TSC22D2: variants seen among roughly 807,000 people sequenced by gnomAD.
TSC22D2 encodes TSC22 domain family member 2.
TSC22D2 carries 5 observed loss-of-function variants against 50.1 expected under a neutral mutation model. That is an observed-to-expected ratio of 0.10 (90% CI 0.05 to 0.21). The LOEUF (loss-of-function observed/expected upper bound fraction) is 0.21, where lower values mean the gene tolerates loss of function less well. TSC22D2 is among the 10% of genes least tolerant of loss of function. The pLI is 1.00. For synonymous variants in TSC22D2, 501 were observed against 450.1 expected (o/e 1.11, Z -1.43); for missense variants, 1,003 against 1,015.5 (o/e 0.99, Z 0.17).
intron 2 of TSC22D2, 127 bp from the exon 3 acceptor site, chr3:150,458,249 A>G: frequency 1.0e-6 from 1 of 1,002,634 alleles, no homozygotes; most frequent in Middle Eastern, 3.3e-4. Context: ...CGGTCAAGAT[A>G]AAGCAGAAAC....
chr3:150,424,505 A>T (rs1047488798), intron 1 of TSC22D2, among the ~76,000 whole-genome samples: 45 of 152,290 alleles, frequency 3.0e-4, no homozygotes, highest in African/African-American at 1.0e-3. Flanking sequence ...GGTTTGAGCT[A>T]TATTTTTGAT....
chr3:150,441,581 G>A (rs892832658), intron 1 of TSC22D2, among the ~76,000 whole-genome samples: 1 of 152,040 alleles, frequency 6.6e-6, no homozygotes, highest in Non-Finnish European at 1.5e-5. Flanking sequence ...ACAACATAGG[G>A]AGACCCCGTC....
At chr3:150,452,370 G>A (rs757342433) in intron 1 of TSC22D2, among the ~76,000 whole-genome samples, 4 of 152,022 alleles carry the variant, frequency 2.6e-5, no homozygotes, top group Admixed American at 6.6e-5. Flanking sequence ...GCTTGAACCC[G>A]GGAGGAAGAA....
chr3:150,447,696 T>C (rs1469381256), intron 1 of TSC22D2, among the ~76,000 whole-genome samples: 1 of 152,146 alleles, frequency 6.6e-6, no homozygotes, highest in Non-Finnish European at 1.5e-5. Context: ...ATTTTCTTTG[T>C]CACAGATAGT....
intron 1 of TSC22D2, among the ~76,000 whole-genome samples, chr3:150,416,309 A>G (rs1346398844): frequency 1.3e-5 from 2 of 152,194 alleles, no homozygotes; most frequent in Non-Finnish European, 2.9e-5. Flanking sequence ...GAGGAAGGAG[A>G]GGCCTTACAA....
chr3:150,443,328 G>A (rs983864087), intron 1 of TSC22D2, among the ~76,000 whole-genome samples: 1 of 152,180 alleles, frequency 6.6e-6, no homozygotes, highest in African/African-American at 2.4e-5. Context: ...ATTGAACTGG[G>A]TACATCCTCT....
rs1721353537 is a variant in TSC22D2, at chr3:150,460,203, A to G, written c.*1567A>G. On this transcript the variant is annotated 3_prime_UTR_variant, in exon 3 of 3. Transcript: ENST00000688009. The stretch of plus-strand genomic sequence containing the variant: ...ACTCCTTAAAGACCTGTTAATAATG[A>G]CTTACTGATAGTTCTTAAATTTTCA... The G allele has an allele frequency of 1.3e-5, 2 of 152,186 alleles. No homozygotes were observed. Among genetic ancestry groups the G allele is most frequent in the South Asian group, 2.1e-4 (1 of 4,836 alleles). 9.4% of individuals were successfully genotyped at this position (152,186 alleles called of 1,614,324 possible).
intron 1 of TSC22D2, among the ~76,000 whole-genome samples, chr3:150,449,793 A>G (rs1458804452): frequency 1.3e-5 from 2 of 152,228 alleles, no homozygotes; most frequent in East Asian, 3.9e-4. Context: ...AGAGAAAAGG[A>G]GAGAAATCTG....
chr3:150,450,203 G>T (rs1309437751), intron 1 of TSC22D2, among the ~76,000 whole-genome samples: 1 of 152,046 alleles, frequency 6.6e-6, no homozygotes, highest in Non-Finnish European at 1.5e-5. Context: ...TATAAAATAT[G>T]CTGAGGGCAT....
rs1298140542 is a variant in TSC22D2 at position 150,411,319 on chromosome 3, C to A, written c.1958+11C>A. 6.3e-7 allele frequency: 1 copy of A among 1,583,274 alleles called. No individual in the cohort carries two copies. The highest frequency in any genetic ancestry group is 1.1e-5 in the South Asian group (1 of 88,106). On this transcript the variant is annotated intron_variant, in intron 1 of 2. Coordinates refer to ENST00000688009, the MANE Select transcript of TSC22D2 (RefSeq NM_001303264.2). ...TGGTGATGAAGACAGGTATGGAAAT[C>A]TCTATTTTAAATATTTGATAGAAAT... is the stretch of plus-strand genomic sequence containing the variant.
At chr3:150,423,331 T>C (rs1720075582) in intron 1 of TSC22D2, 1 of 342,520 alleles carries the variant, frequency 2.9e-6, no homozygotes, top group South Asian at 8.2e-5. Context: ...CTGTGTACTT[T>C]AAGTATATCT....
chr3:150,445,364 TTGTAAA>T (rs1720850909), intron 1 of TSC22D2, among the ~76,000 whole-genome samples: 2 of 149,602 alleles, frequency 1.3e-5, no homozygotes, highest in Admixed American at 6.7e-5. Flanking sequence ...ATAATAAGCC[TTGTAAA>T]TGTAAATCTC....
chr3:150,427,223 C>T (rs759322214), intron 1 of TSC22D2, among the ~76,000 whole-genome samples: 4 of 151,992 alleles, frequency 2.6e-5, no homozygotes, highest in South Asian at 2.1e-4. Context: ...TAATTTGTAT[C>T]GGAAAAGTGC....
intron 1 of TSC22D2, among the ~76,000 whole-genome samples, chr3:150,444,099 T>C (rs1242186152): frequency 1.3e-5 from 2 of 152,162 alleles, no homozygotes; most frequent in African/African-American, 4.8e-5. Flanking sequence ...CGCACTTTCC[T>C]TCTTTCTCAG....
At chr3:150,431,164 G>T (rs989481589) in intron 1 of TSC22D2, among the ~76,000 whole-genome samples, 13 of 139,728 alleles carry the variant, frequency 9.3e-5, no homozygotes, top group African/African-American at 3.2e-4. Flanking sequence ...GGCAGAGCTT[G>T]CAGTGAGCCG....
intron 1 of TSC22D2, among the ~76,000 whole-genome samples, chr3:150,425,145 T>G (rs1474409324): frequency 6.6e-6 from 1 of 152,238 alleles, no homozygotes; most frequent in Non-Finnish European, 1.5e-5. Flanking sequence ...ACATTGTTCA[T>G]TTTTACTATT....
intron 1 of TSC22D2, among the ~76,000 whole-genome samples, chr3:150,413,897 T>C (rs2108060584): frequency 6.6e-6 from 1 of 152,010 alleles, no homozygotes; most frequent in African/African-American, 2.4e-5. Context: ...TAAAAAAAAA[T>C]TAGGACTTTA....
chr3:150,424,012 A>G (rs1378177854), intron 1 of TSC22D2, among the ~76,000 whole-genome samples: 1 of 152,168 alleles, frequency 6.6e-6, no homozygotes, highest in Non-Finnish European at 1.5e-5. Context: ...GTGCATGTAC[A>G]TGTCATATTA....
At chr3:150,452,093 T>C (rs932326344) in intron 1 of TSC22D2, among the ~76,000 whole-genome samples, 2 of 152,316 alleles carry the variant, frequency 1.3e-5, no homozygotes, top group South Asian at 2.1e-4. Flanking sequence ...GTAGTCACCA[T>C]GTCTCTGTCC....
Sources: allele counts gnomAD v4.1 joint callset (sites outside exome capture counted in the v4.1 genomes callset), GRCh38; gene constraint gnomAD v4.1.1; transcripts MANE v1.5; gene names NCBI Gene and HGNC (gene_info 2026-07-23, HGNC 2026-07-21).